ALMS1: variants seen among roughly 807,000 people sequenced by gnomAD.
ALMS1 encodes the protein centrosome-associated protein ALMS1.
In ALMS1, 271 loss-of-function variants were observed where a neutral mutation model predicts 352.2. That is an observed-to-expected ratio of 0.77 (90% confidence interval 0.70 to 0.85). ALMS1 has a LOEUF of 0.85. Ranked by LOEUF, ALMS1 falls within the 40% of genes least tolerant of loss-of-function variation. The pLI, the probability that ALMS1 is intolerant of heterozygous loss-of-function variation, is 0.00. For missense variants in ALMS1, 5,445 were observed against 4,870.7 expected (o/e 1.12, Z -3.51); for synonymous variants, 1,865 against 1,761.2 (o/e 1.06, Z -1.48).
At chr2:73,535,267 A>T (rs183197088) in intron 12 of ALMS1, among the ~76,000 whole-genome samples, 1 of 152,308 alleles carries the variant, frequency 6.6e-6, no homozygotes, top group East Asian at 1.9e-4. Flanking sequence ...CGCTTTATAT[A>T]TAATAAGCAA....
At chr2:73,565,441 A>G (rs1190504092) in intron 15 of ALMS1, among the ~76,000 whole-genome samples, 3 of 152,246 alleles carry the variant, frequency 2.0e-5, no homozygotes, top group African/African-American at 7.2e-5. Flanking sequence ...ATAAAAGTAA[A>G]TGATTTAATA....
chr2:73,467,547 A>G (rs945696582), intron 9 of ALMS1, among the ~76,000 whole-genome samples: 8 of 152,114 alleles, frequency 5.3e-5, no homozygotes, highest in African/African-American at 1.9e-4. Flanking sequence ...ATTTATAGTT[A>G]TTTCATAATG....
intron 10 of ALMS1, among the ~76,000 whole-genome samples, chr2:73,506,989 G>T (rs138735754): frequency 1.3e-5 from 2 of 152,152 alleles, no homozygotes; most frequent in Non-Finnish European, 1.5e-5. Context: ...TAGCATGAAG[G>T]GGTGTTGAAT....
chr2:73,586,103 G>T (rs1675306261), intron 16 of ALMS1, among the ~76,000 whole-genome samples: 1 of 151,938 alleles, frequency 6.6e-6, no homozygotes, highest in Non-Finnish European at 1.5e-5. Flanking sequence ...CTTGTCCTTT[G>T]CCCACTTTTT....
intron 16 of ALMS1, among the ~76,000 whole-genome samples, chr2:73,578,474 G>T (rs1455547110): frequency 6.6e-6 from 1 of 151,078 alleles, no homozygotes; most frequent in African/African-American, 2.4e-5. Flanking sequence ...GTATCTAATT[G>T]ATTTTTTGTA....
intron 7 of ALMS1, among the ~76,000 whole-genome samples, chr2:73,440,466 C>G (rs1671695479): frequency 6.6e-6 from 1 of 152,308 alleles, no homozygotes; most frequent in African/African-American, 2.4e-5. Flanking sequence ...CTCTCTCTCT[C>G]TCTCTTGCTG....
chr2:73,542,747 G>A (rs2104014365), intron 12 of ALMS1, among the ~76,000 whole-genome samples: 1 of 152,104 alleles, frequency 6.6e-6, no homozygotes, highest in African/African-American at 2.4e-5. Context: ...CAAATCATGA[G>A]TGAACTCCCA....
intron 10 of ALMS1, among the ~76,000 whole-genome samples, chr2:73,498,648 A>G (rs887918180): frequency 4.6e-5 from 7 of 152,056 alleles, no homozygotes; most frequent in African/African-American, 1.7e-4. Context: ...AGATTCCACA[A>G]ATAAGTGACA....
At chr2:73,527,089 T>C (rs1228906795) in intron 11 of ALMS1, among the ~76,000 whole-genome samples, 1 of 152,178 alleles carries the variant, frequency 6.6e-6, no homozygotes, top group Non-Finnish European at 1.5e-5. Context: ...TAGCATATGT[T>C]AAACCATCCT....
intron 9 of ALMS1, among the ~76,000 whole-genome samples, chr2:73,476,245 A>G (rs75358656): frequency 1.9e-3 from 293 of 152,160 alleles, no homozygotes; most frequent in African/African-American, 6.5e-3. Flanking sequence ...TTTTGAGATT[A>G]TATTATTCCA....
chr2:73,500,108 G>T (rs1263595108), intron 10 of ALMS1, among the ~76,000 whole-genome samples: 1 of 152,126 alleles, frequency 6.6e-6, no homozygotes, highest in African/African-American at 2.4e-5. Flanking sequence ...GATTTTTCTG[G>T]TTCTAAATAT....
At chr2:73,418,698 C>G (rs1671227259) in intron 2 of ALMS1, among the ~76,000 whole-genome samples, 1 of 152,202 alleles carries the variant, frequency 6.6e-6, no homozygotes, top group Non-Finnish European at 1.5e-5. Context: ...TCCCAAGCCA[C>G]TTCTCATGAT....
At chr2:73,391,341 T>C (rs1340736714) in intron 1 of ALMS1, among the ~76,000 whole-genome samples, 2 of 143,232 alleles carry the variant, frequency 1.4e-5, no homozygotes, top group African/African-American at 5.5e-5. Flanking sequence ...TCACCCAGGC[T>C]GGAGTGCAGT....
At chr2:73,515,792 C>G (rs879473820) in intron 10 of ALMS1, among the ~76,000 whole-genome samples, 21 of 151,628 alleles carry the variant, frequency 1.4e-4, no homozygotes, top group East Asian at 1.9e-4. Flanking sequence ...CACACACACA[C>G]ACACACACAC....
At chr2:73,607,600 C>A (rs1675842650) in intron 21 of ALMS1, among the ~76,000 whole-genome samples, 1 of 151,972 alleles carries the variant, frequency 6.6e-6, no homozygotes, top group African/African-American at 2.4e-5. Flanking sequence ...CTGTCCTTCT[C>A]CCCATTCCCT....
At chr2:73,473,073 G>A (rs1027636127) in intron 9 of ALMS1, among the ~76,000 whole-genome samples, 1 of 152,016 alleles carries the variant, frequency 6.6e-6, no homozygotes, top group Non-Finnish European at 1.5e-5. Context: ...AGAATGCTAC[G>A]TACATGCCTA....
intron 16 of ALMS1, among the ~76,000 whole-genome samples, chr2:73,584,998 G>A (rs1482232505): frequency 1.3e-5 from 2 of 151,958 alleles, no homozygotes; most frequent in Admixed American, 1.3e-4. Context: ...TGGTGTATAT[G>A]TACCACATTT....
chr2:73,453,586 T>C lies in ALMS1; in HGVS notation c.7059T>C (p.Phe2353=), dbSNP rs1671996344. The C allele has an allele frequency of 1.2e-6, 2 of 1,613,912 alleles. No homozygotes were observed. The highest frequency in any genetic ancestry group is 8.5e-7 in the Non-Finnish European group (1 of 1,179,990). The change falls in exon 8 of 23, where the codon TTT becomes TTC. Residue 2353 remains phenylalanine (F), a synonymous_variant. Transcript: ENST00000613296. ...GGAGAGGCATTGAAAATTGGGAGTT[T>C]ATTAGTTCAACTACAGTTAGAAGTC... ...KCRRGIENWE[F]ISSTTVRSPL...
Position 73,451,322 on chromosome 2 carries a change from A to G in ALMS1, c.4795A>G (p.Ile1599Val), listed in dbSNP as rs377671796. 2.9e-5 allele frequency: 47 copies of G among 1,613,660 alleles called. 2 individuals carry two copies. The highest frequency in any genetic ancestry group is 8.9e-5 in the East Asian group (4 of 44,868). ...ACCTGAAGAGGCTCTGAAAGTTTCC[A>G]TTGTTTCTGGACCTACTGAAAAAAA... is the stretch of plus-strand genomic sequence containing the variant. ...HLPEEALKVS[I>V]VSGPTEKKTD... The change falls in exon 8 of 23, where the codon ATT becomes GTT. Residue 1599 changes from isoleucine to valine, a missense_variant. Ile to Val is a conservative substitution (Grantham distance 29, BLOSUM62 3). Transcript: ENST00000613296.
Sources: gnomAD v4.1 joint callset for allele counts (sites outside exome capture counted in the v4.1 genomes callset) on GRCh38, gnomAD v4.1.1 for gene constraint, MANE v1.5 for transcripts, NCBI Gene and HGNC (gene_info 2026-07-23, HGNC 2026-07-21) for gene names.